The following NCOA1 variants were observed in gnomAD, a reference collection of about 807,000 sequenced individuals.
NCOA1 encodes the protein Hin-2 protein.
Under a neutral mutation model 150.9 loss-of-function variants are expected in NCOA1, and 35 were observed. That is an observed-to-expected ratio of 0.23 (90% CI 0.18 to 0.31). The LOEUF is 0.31. NCOA1 is among the 10% of genes least tolerant of loss of function. The probability of loss-of-function intolerance (pLI) is 1.00; values close to 1 mark genes in which losing one functional copy is unlikely to be tolerated. For missense variants in NCOA1, 1,491 were observed against 1,749.3 expected, an observed-to-expected ratio of 0.85 and a Z score of 2.63; for synonymous variants, 590 against 630.0, an observed-to-expected ratio of 0.94 and a Z score of 0.95.
chr2:24,765,224 C>T (rs905750549), intron 22 of NCOA1, among the ~76,000 whole-genome samples: 1 of 151,490 alleles, frequency 6.6e-6, no homozygotes, highest in African/African-American at 2.4e-5. Context: ...GACTGGGGAG[C>T]CGGGTGCGGT....
At chr2:24,530,720 G>T (rs1271141537) in intron 1 of NCOA1, among the ~76,000 whole-genome samples, 1 of 152,180 alleles carries the variant, frequency 6.6e-6, no homozygotes, top group South Asian at 2.1e-4. Context: ...TTAGACTTAG[G>T]TGTATAAGAC....
chr2:24,505,351 GT>G (rs1663649292), intron 1 of NCOA1, among the ~76,000 whole-genome samples: 1 of 152,006 alleles, frequency 6.6e-6, no homozygotes. Context: ...GGTTCATTTT[GT>G]ATTTTTAGTA....
chr2:24,757,887 CAT>C lies in NCOA1; in HGVS notation c.3882-83_3882-82del, dbSNP rs1664577605. 7 of 1,285,570 alleles carry C rather than the reference CAT, an allele frequency of 5.4e-6. No individual in the cohort carries two copies. In the East Asian group the frequency reaches 1.2e-4, roughly 23 times the overall value. 79.6% of individuals were successfully genotyped at this position (1,285,570 alleles called of 1,614,324 possible). A position where few individuals can be genotyped will look rare whatever the true frequency, so the allele number is the denominator to read the frequency against. ...TCATACATGCAATTTAAGGATGTAA[CAT>C]ATTTTATTTGGAAACAGAATCTAGT... On this transcript the variant is annotated intron_variant, in intron 20 of 22. Coordinates refer to ENST00000348332, the MANE Select transcript of NCOA1 (RefSeq NM_003743.5).
chr2:24,707,623 C>T lies in NCOA1; in HGVS notation c.2153C>T (p.Ser718Phe), dbSNP rs1026017188. ...EPDKKDSAST[S>F]VSVTGQVQGN... Reference sequence around the variant, plus strand: ...GATAAAAAGGACAGTGCATCTACTTCTGTGTCAGTGACTGGACAGGTACAA... The same window carrying T: ...GATAAAAAGGACAGTGCATCTACTTTTGTGTCAGTGACTGGACAGGTACAA... Residue 718 changes from serine to phenylalanine, a missense_variant, in exon 13 of 23, where the codon TCT becomes TTT. Physicochemically the swap from Ser to Phe is radical, Grantham distance 155. This residue lies in a region of NCOA1 where 703 missense variants were observed against 717.7 expected (regional missense o/e 0.98). Transcript: ENST00000348332. 1.9e-6 allele frequency: 3 copies of T among 1,614,076 alleles called. No homozygotes were observed. In the African/African-American group the frequency reaches 4.0e-5, roughly 22 times the overall value.
intron 2 of NCOA1, among the ~76,000 whole-genome samples, chr2:24,578,461 A>C (rs1045540313): frequency 1.1e-4 from 17 of 152,188 alleles, no homozygotes; most frequent in African/African-American, 3.6e-4. Flanking sequence ...CAAAGTGGAA[A>C]ACACAAATAT....
At chr2:24,538,909 A>G (rs1665275181) in intron 1 of NCOA1, among the ~76,000 whole-genome samples, 1 of 152,212 alleles carries the variant, frequency 6.6e-6, no homozygotes, top group African/African-American at 2.4e-5. Context: ...CAGCGTAGTG[A>G]TACAAAGAGG....
chr2:24,630,813 TAAA>T (rs11426936), intron 3 of NCOA1, among the ~76,000 whole-genome samples: 2 of 152,064 alleles, frequency 1.3e-5, no homozygotes, highest in African/African-American at 4.8e-5. Flanking sequence ...AAGTGAAAGA[TAAA>T]AAAACAAGTA....
At chr2:24,642,465 T>C (rs1670277041) in intron 3 of NCOA1, among the ~76,000 whole-genome samples, 1 of 152,082 alleles carries the variant, frequency 6.6e-6, no homozygotes, top group Admixed American at 6.5e-5. Flanking sequence ...TTACATTTTC[T>C]ACCTTCTTTG....
chr2:24,683,228 TTA>T (rs1205020466), intron 8 of NCOA1, 100 bp downstream of exon 8: 10 of 653,270 alleles, frequency 1.5e-5, no homozygotes, highest in African/African-American at 1.3e-4. Flanking sequence ...ATACACAGTA[TTA>T]TATATGTTAT....
At chr2:24,688,677 T>C (rs1451334112) in intron 8 of NCOA1, among the ~76,000 whole-genome samples, 1 of 152,196 alleles carries the variant, frequency 6.6e-6, no homozygotes, top group Non-Finnish European at 1.5e-5. Context: ...GGTTTGCAAA[T>C]ATTTTCTCCG....
rs373625595 is a variant in NCOA1 at position 24,599,667 on chromosome 2, T to C, written c.-175+15107T>C. On this transcript the variant is annotated intron_variant, in intron 3 of 22. Coordinates refer to ENST00000348332, the MANE Select transcript of NCOA1 (RefSeq NM_003743.5). ...ATGTTTTTTTCCCTAAACTATTAAT[T>C]TGGAATATCTTGTAACTTATATACA... Among the ~76,000 whole-genome samples, 18 of 152,148 alleles carry C rather than the reference T, an allele frequency of 1.2e-4. No homozygotes were observed. The South Asian group carries it at 2.3e-3, about 19-fold the overall frequency.
chr2:24,564,873 A>G (rs1318642586), intron 2 of NCOA1: 2 of 152,218 alleles, frequency 1.3e-5, no homozygotes, highest in South Asian at 2.1e-4. Flanking sequence ...TAATTATTTT[A>G]TTTACATTAT....
intron 1 of NCOA1, among the ~76,000 whole-genome samples, chr2:24,517,632 A>T (rs1399718890): frequency 6.6e-6 from 1 of 152,156 alleles, no homozygotes; most frequent in African/African-American, 2.4e-5. Context: ...TTAGAACTAG[A>T]ATATTGGAAA....
At chr2:24,695,760 A>C (rs1672873179) in intron 10 of NCOA1, among the ~76,000 whole-genome samples, 1 of 152,144 alleles carries the variant, frequency 6.6e-6, no homozygotes. Context: ...AGTATTCTAA[A>C]TCAAGCTGTT....
At chr2:24,696,047 A>T (rs1672886608) in intron 10 of NCOA1, among the ~76,000 whole-genome samples, 1 of 152,116 alleles carries the variant, frequency 6.6e-6, no homozygotes, top group Non-Finnish European at 1.5e-5. Flanking sequence ...AATTCTTAAA[A>T]ATCTAAAATC....
chr2:24,666,017 A>T (rs1671406556), intron 6 of NCOA1, 102 bp downstream of exon 6: 12 of 728,850 alleles, frequency 1.6e-5, no homozygotes, highest in Non-Finnish European at 1.9e-5. Context: ...TTTTATTATT[A>T]TTATTATTTT....
At chr2:24,613,049 A>AT (rs1026417783) in intron 3 of NCOA1, among the ~76,000 whole-genome samples, 21 of 149,380 alleles carry the variant, frequency 1.4e-4, no homozygotes, top group African/African-American at 5.2e-4. Flanking sequence ...TGCAGGTAGG[A>AT]TTTTTTTCTT....
At chr2:24,704,080 T>C (rs6719687) in intron 11 of NCOA1, among the ~76,000 whole-genome samples, 4,154 of 152,306 alleles carry the variant, frequency 0.027, 60 homozygotes, top group African/African-American at 0.04. Context: ...ATGCTACTTA[T>C]AAAGTGACTT....
chr2:24,742,535 C>T (rs773384966), intron 19 of NCOA1, among the ~76,000 whole-genome samples: 3 of 151,938 alleles, frequency 2.0e-5, no homozygotes, highest in Non-Finnish European at 2.9e-5. Flanking sequence ...CAGCTCACTG[C>T]ATCCTCCACC....
Sources: gnomAD v4.1 joint callset for allele counts (sites outside exome capture counted in the v4.1 genomes callset) on GRCh38, gnomAD v4.1.1 for gene constraint, gnomAD v4.1.1 regional missense constraint, MANE v1.5 for transcripts, NCBI Gene and HGNC (gene_info 2026-07-23, HGNC 2026-07-21) for gene names.